Variants in ERC2 observed in about 807,000 individuals in gnomAD.
The protein encoded by ERC2 is ELKS/RAB6-interacting/CAST family member 2, also known as ERC protein 2.
ERC2 carries 42 observed loss-of-function variants against 114.8 expected under a neutral mutation model. The ratio of observed to expected loss-of-function variants is 0.37; its 90% CI spans 0.29 to 0.47. The LOEUF (loss-of-function observed/expected upper bound fraction) is 0.47, where lower values mean the gene tolerates loss of function less well. Among genes scored for constraint, ERC2 ranks in the 20% least tolerant of loss-of-function variants. The pLI, the probability that ERC2 is intolerant of heterozygous loss-of-function variation, is 0.99. For synonymous variants in ERC2, 454 were observed against 425.5 expected, an observed-to-expected ratio of 1.07 and a Z score of -0.82; for missense variants, 939 against 1,150.7, an observed-to-expected ratio of 0.82 and a Z score of 2.66.
chr3:56,249,548 G>T (rs894227791), intron 3 of ERC2, among the ~76,000 whole-genome samples: 1 of 151,954 alleles, frequency 6.6e-6, no homozygotes, highest in African/African-American at 2.4e-5. Context: ...GGATGGTCTC[G>T]ATCTCCTGAC....
intron 14 of ERC2, among the ~76,000 whole-genome samples, chr3:55,763,900 C>T (rs911158618): frequency 6.6e-6 from 1 of 152,108 alleles, no homozygotes; most frequent in African/African-American, 2.4e-5. Flanking sequence ...CACAATATTA[C>T]AGATATTTTA....
At chr3:55,639,847 C>T (rs80315224) in intron 17 of ERC2, among the ~76,000 whole-genome samples, 3,151 of 152,276 alleles carry the variant, frequency 0.021, 44 homozygotes, top group Middle Eastern at 0.068. Flanking sequence ...ACTTAAACCC[C>T]TGTGTTGCCG....
intron 14 of ERC2, among the ~76,000 whole-genome samples, chr3:55,762,360 T>C (rs1034386476): frequency 6.6e-6 from 1 of 152,192 alleles, no homozygotes. Flanking sequence ...TCCTGTCTGC[T>C]ACCTTGCCTA....
intron 3 of ERC2, among the ~76,000 whole-genome samples, chr3:56,237,064 C>A (rs34698576): frequency 6.6e-6 from 1 of 152,160 alleles, no homozygotes; most frequent in Non-Finnish European, 1.5e-5. Flanking sequence ...ACTTTTCAGC[C>A]TAAGCCCTTC....
At chr3:56,122,043 G>T (rs1391604616) in intron 6 of ERC2, among the ~76,000 whole-genome samples, 1 of 152,218 alleles carries the variant, frequency 6.6e-6, no homozygotes. Context: ...CAAAATGGAT[G>T]AAAGGTCACA....
intron 7 of ERC2, among the ~76,000 whole-genome samples, chr3:56,053,729 CAT>C (rs72005163): frequency 0.38 from 57,194 of 151,628 alleles, 11,320 homozygotes; most frequent in East Asian, 0.55. Context: ...AATGGAAAAA[CAT>C]GTGTACTATG....
intron 14 of ERC2, among the ~76,000 whole-genome samples, chr3:55,775,945 C>T (rs1252358363): frequency 1.3e-5 from 2 of 152,146 alleles, no homozygotes; most frequent in Non-Finnish European, 2.9e-5. Context: ...CCTCATCTGG[C>T]CATGAGCTGT....
intron 17 of ERC2, among the ~76,000 whole-genome samples, chr3:55,634,179 G>T (rs977294710): frequency 6.6e-6 from 1 of 152,190 alleles, no homozygotes; most frequent in African/African-American, 2.4e-5. Context: ...GAATGCCCCA[G>T]ACACGAAGAC....
At chr3:55,581,703 T>C (rs1328443425) in intron 17 of ERC2, among the ~76,000 whole-genome samples, 3 of 152,158 alleles carry the variant, frequency 2.0e-5, no homozygotes, top group Non-Finnish European at 4.4e-5. Context: ...CCACATGCTT[T>C]TTCTTGGGAA....
chr3:55,544,505 G>A (rs1008034944), intron 17 of ERC2, among the ~76,000 whole-genome samples: 12 of 152,090 alleles, frequency 7.9e-5, no homozygotes, highest in African/African-American at 2.4e-4. Flanking sequence ...CCATATCAGT[G>A]GGGGAGGATG....
intron 12 of ERC2, among the ~76,000 whole-genome samples, chr3:55,963,706 A>G (rs1408464433): frequency 6.6e-6 from 1 of 152,240 alleles, no homozygotes; most frequent in Non-Finnish European, 1.5e-5. Flanking sequence ...CTCCACTGTT[A>G]GACACAGCCA....
At chr3:55,774,766 C>A (rs942204375) in intron 14 of ERC2, among the ~76,000 whole-genome samples, 1 of 152,210 alleles carries the variant, frequency 6.6e-6, no homozygotes, top group African/African-American at 2.4e-5. Flanking sequence ...CCTTTCCAGT[C>A]AATTTCCTTT....
intron 6 of ERC2, among the ~76,000 whole-genome samples, chr3:56,111,330 T>TCTCAATCTCTCTCC (rs1013407277): frequency 1.4e-5 from 2 of 145,486 alleles, no homozygotes; most frequent in African/African-American, 5.3e-5. Flanking sequence ...TCTCTCTCTC[T>TCTCAATCTCTCTCC]CTCAATCTCT....
intron 2 of ERC2, among the ~76,000 whole-genome samples, chr3:56,419,234 C>T (rs962494976): frequency 6.7e-5 from 3 of 45,094 alleles, no homozygotes; most frequent in Admixed American, 3.2e-4. Context: ...TCGTTCCTTG[C>T]TCTTATCACA....
At chr3:56,240,908 AT>A (rs1242923913) in intron 3 of ERC2, among the ~76,000 whole-genome samples, 1 of 152,142 alleles carries the variant, frequency 6.6e-6, no homozygotes, top group Non-Finnish European at 1.5e-5. Flanking sequence ...TTGGGTTTCC[AT>A]TGTACCCATC....
intron 14 of ERC2, among the ~76,000 whole-genome samples, chr3:55,758,494 G>A (rs969081628): frequency 6.6e-6 from 1 of 152,200 alleles, no homozygotes; most frequent in African/African-American, 2.4e-5. Context: ...CAATGAGGAG[G>A]AGGGCTTGCT....
chr3:56,017,943 G>C (rs2073422036), intron 8 of ERC2, among the ~76,000 whole-genome samples: 1 of 152,104 alleles, frequency 6.6e-6, no homozygotes, highest in Non-Finnish European at 1.5e-5. Flanking sequence ...ACAGGGAATG[G>C]AAAGATAACA....
At chr3:55,670,706 G>A (rs1310197138) in intron 17 of ERC2, among the ~76,000 whole-genome samples, 2 of 152,214 alleles carry the variant, frequency 1.3e-5, no homozygotes, top group African/African-American at 4.8e-5. Flanking sequence ...GGATGAACAA[G>A]ATGACCAATG....
Position 55,958,717 on chromosome 3 carries a change from T to C in ERC2, c.2268-8157A>G, listed in dbSNP as rs73831819. ...TGGAGTGTCAGTGCTGCCCTGAGCA[T>C]GCGCGCACCTGGCCAGGTTGCAGCA... On this transcript the variant is annotated intron_variant, in intron 12 of 17. Transcript: ENST00000288221. 7.8e-3 allele frequency among the ~76,000 whole-genome samples: 1,195 copies of C among 152,342 alleles called. 8 individuals carry two copies. Among genetic ancestry groups the C allele is most frequent in the Middle Eastern group, 0.031 (9 of 294 alleles).
Sources: gnomAD v4.1 joint callset for allele counts (sites outside exome capture counted in the v4.1 genomes callset) on GRCh38, gnomAD v4.1.1 for gene constraint, MANE v1.5 for transcripts, NCBI Gene and HGNC (gene_info 2026-07-23, HGNC 2026-07-21) for gene names.